The following KDM5A variants were observed in gnomAD, a reference collection of about 807,000 sequenced individuals.
KDM5A encodes lysine-specific demethylase 5A.
KDM5A carries 42 observed loss-of-function variants against 193.5 expected under a neutral mutation model. The ratio of observed to expected loss-of-function variants is 0.22; its 90% CI spans 0.17 to 0.28. The LOEUF (loss-of-function observed/expected upper bound fraction) is 0.28, where lower values mean the gene tolerates loss of function less well. Among genes scored for constraint, KDM5A ranks in the 10% least tolerant of loss-of-function variants. The pLI is 1.00. For missense variants in KDM5A, 1,692 were observed against 2,055.1 expected (o/e 0.82, Z 3.42); for synonymous variants, 796 against 718.1 (o/e 1.11, Z -1.73).
chr12:328,919 A>G lies in KDM5A; in HGVS notation c.1884T>C (p.Asp628=). The G allele has an allele frequency of 1.2e-6, 2 of 1,614,208 alleles. No individual in the cohort carries two copies. The highest frequency in any genetic ancestry group is 1.7e-6 in the Non-Finnish European group (2 of 1,180,026). Residue 628 remains aspartate (D), a synonymous_variant, in exon 14 of 28, where the codon GAT becomes GAC. Transcript: ENST00000399788. Reference sequence around the variant, plus strand: ...TGCAGACCATGGCAGCCAGCCCCACATCTAAGCATTCTGGATCTGCTGCCA... The same window carrying G: ...TGCAGACCATGGCAGCCAGCCCCACGTCTAAGCATTCTGGATCTGCTGCCA... The part of the protein sequence containing the change: ...FKMAADPECL[D]VGLAAMVCKE...
intron 3 of KDM5A, among the ~76,000 whole-genome samples, chr12:372,446 C>G (rs1207519153): frequency 6.6e-6 from 1 of 152,134 alleles, no homozygotes; most frequent in Non-Finnish European, 1.5e-5. Context: ...GATTTTGTAT[C>G]CTGAGACTTT....
Position 293,114 on chromosome 12 carries a change from T to C in KDM5A, c.4511A>G (p.Lys1504Arg). Residue 1504 changes from lysine (K) to arginine (R), a missense_variant, in exon 27 of 28, where the codon AAG (lysine) becomes AGG (arginine). By Grantham distance (26) the Lys-to-Arg change is conservative. Transcript: ENST00000399788. ...CTTTTCTAGCTTCCGTTTCCGTTTCTTCTCTGAAGAGTCCTTTCCTTTCAC... is the reference window on the plus strand; with the variant it reads ...CTTTTCTAGCTTCCGTTTCCGTTTCCTCTCTGAAGAGTCCTTTCCTTTCAC... Reference protein sequence around the residue: ...LKVKGKDSSEKKRKRKLEKVE... With the variant: ...LKVKGKDSSERKRKRKLEKVE... 1 of 1,597,460 alleles carries C rather than the reference T, an allele frequency of 6.3e-7. No homozygotes were observed. The highest frequency in any genetic ancestry group is 1.1e-5 in the South Asian group (1 of 87,104).
At position 285,400 on chromosome 12, in the gene KDM5A, A is replaced by C. The variant is rs1943207762; in HGVS notation, c.*56T>G. 1.7e-5 allele frequency: 24 copies of C among 1,450,360 alleles called. No homozygotes were observed. The highest frequency in any genetic ancestry group is 2.2e-5 in the Non-Finnish European group (23 of 1,031,370). The allele number at this position is 1,450,360 out of a possible 1,614,324, so 89.8% of individuals were successfully genotyped here. Reference sequence around the variant, plus strand: ...TGGATATAAACCACTCTACTTGATGACTAAGGTCTCAATGTGGTCCATGTC... The same window carrying C: ...TGGATATAAACCACTCTACTTGATGCCTAAGGTCTCAATGTGGTCCATGTC... On this transcript the variant is annotated 3_prime_UTR_variant, in exon 28 of 28. Coordinates refer to ENST00000399788, the MANE Select transcript of KDM5A (RefSeq NM_001042603.3).
chr12:336,250 T>C (rs1052416102), intron 10 of KDM5A, among the ~76,000 whole-genome samples: 2 of 150,078 alleles, frequency 1.3e-5, no homozygotes, highest in African/African-American at 4.9e-5. Flanking sequence ...TTCCAGCTAC[T>C]AGGGATGCTG....
At chr12:313,248 A>C in intron 19 of KDM5A, 54 bp from the exon 20 acceptor site, 1 of 1,590,526 alleles carries the variant, frequency 6.3e-7, no homozygotes, top group Non-Finnish European at 8.6e-7. Flanking sequence ...CATTTAAGTA[A>C]CATTTCAGAA....
At chr12:298,144 T>C (rs912984119) in intron 24 of KDM5A, among the ~76,000 whole-genome samples, 2 of 152,298 alleles carry the variant, frequency 1.3e-5, no homozygotes, top group Non-Finnish European at 2.9e-5. Flanking sequence ...TGTCCCTGCC[T>C]GACGGCTCTG....
chr12:381,883 C>T (rs1008636628), intron 3 of KDM5A, among the ~76,000 whole-genome samples: 1 of 151,984 alleles, frequency 6.6e-6, no homozygotes, highest in African/African-American at 2.4e-5. Flanking sequence ...GACAGCTCAC[C>T]GCAGTCTTGA....
chr12:366,876 A>T (rs1013792751), intron 3 of KDM5A, among the ~76,000 whole-genome samples: 5 of 152,250 alleles, frequency 3.3e-5, no homozygotes, highest in Non-Finnish European at 7.3e-5. Flanking sequence ...CGCATATATG[A>T]CAGTGCTCCC....
intron 10 of KDM5A, among the ~76,000 whole-genome samples, chr12:336,604 G>A (rs1489405262): frequency 6.6e-6 from 1 of 152,122 alleles, no homozygotes; most frequent in East Asian, 1.9e-4. Flanking sequence ...ACACTGGGAG[G>A]CCGAAGCTGG....
chr12:350,548 A>G (rs1944143472), intron 10 of KDM5A, 73 bp downstream of exon 10: 1 of 1,395,020 alleles, frequency 7.2e-7, no homozygotes. Flanking sequence ...AGTTAATGTG[A>G]TCCCTTAAGA....
rs1175604167 is a variant in KDM5A at position 280,662 on chromosome 12, T to A, written c.*4794A>T. On this transcript the variant is annotated 3_prime_UTR_variant, in exon 28 of 28. Transcript: ENST00000399788. ...AGTAACTTGGGGTCTGAATTGGTTGTGAGCTTTAAGAAGCCAAAGAGAAAG... is the reference window on the plus strand; with the variant it reads ...AGTAACTTGGGGTCTGAATTGGTTGAGAGCTTTAAGAAGCCAAAGAGAAAG... The A allele has an allele frequency of 4.3e-6, 1 of 233,062 alleles. No individual in the cohort carries two copies. Among genetic ancestry groups the A allele is most frequent in the African/African-American group, 2.2e-5 (1 of 45,340 alleles). 14.4% of individuals were successfully genotyped at this position (233,062 alleles called of 1,614,324 possible).
At position 307,018 on chromosome 12, in the gene KDM5A, T is replaced by C; in HGVS notation, c.4002A>G (p.Gln1334=). ...TTTCTTCATCATCATAGTCCATTGT[T>C]TGTCGAGGAGAAGATGACACACTGC... ...VVSSVSSSPR[Q]TMDYDDEETD... is the part of the protein sequence containing the mutation. Residue 1334 remains glutamine (Q), a synonymous_variant, in exon 24 of 28, where the codon CAA becomes CAG. Coordinates refer to ENST00000399788, the MANE Select transcript of KDM5A (RefSeq NM_001042603.3). The surrounding 1 kb of genome is among the most constrained non-coding windows in gnomAD (Gnocchi z 4.3). 1 of 1,614,114 alleles carries C rather than the reference T, an allele frequency of 6.2e-7. No individual in the cohort carries two copies. The highest frequency in any genetic ancestry group is 8.5e-7 in the Non-Finnish European group (1 of 1,179,992).
chr12:298,722 C>T (rs1231614090), intron 24 of KDM5A, among the ~76,000 whole-genome samples: 3 of 152,014 alleles, frequency 2.0e-5, no homozygotes, highest in East Asian at 3.9e-4. Context: ...CAGAAGTAGG[C>T]TTCAGAAGGT....
In KDM5A at chr12:350,666, T is replaced by C. The variant is rs1268933736; in HGVS notation, c.1263A>G (p.Gly421=). The part of the protein sequence containing the change: ...ADISSKDFGS[G]FPVKDGRRKI... ...TTCTCCGCCCATCCTTCACCGGAAA[T>C]CCACTTCCAAAGTCTTTTGAGGAGA... The change falls in exon 10 of 28, where the codon GGA becomes GGG. Residue 421 remains glycine, a synonymous_variant. Coordinates refer to ENST00000399788, the MANE Select transcript of KDM5A (RefSeq NM_001042603.3). 1.9e-6 allele frequency: 3 copies of C among 1,614,098 alleles called. No homozygotes were observed. The highest frequency in any genetic ancestry group is 1.1e-5 in the South Asian group (1 of 91,086).
intron 3 of KDM5A, among the ~76,000 whole-genome samples, chr12:378,448 C>T (rs778834751): frequency 3.9e-5 from 6 of 152,112 alleles, no homozygotes; most frequent in South Asian, 2.1e-4. Flanking sequence ...TTTGTAGAGA[C>T]GGGGTCTCCC....
chr12:286,275 CAGGTCAAT>C, intron 27 of KDM5A: 1 of 458,686 alleles, frequency 2.2e-6, no homozygotes, highest in Non-Finnish European at 4.5e-6. Context: ...GTCAAAGACA[CAGGTCAAT>C]AGATCACTCT....
chr12:333,243 G>T, intron 12 of KDM5A: 1 of 516,856 alleles, frequency 1.9e-6, no homozygotes. Context: ...ACACAATAAG[G>T]CTTCGTCTCT....
At chr12:377,521 T>C (rs144380054) in intron 3 of KDM5A, among the ~76,000 whole-genome samples, 50 of 152,136 alleles carry the variant, frequency 3.3e-4, no homozygotes, top group Admixed American at 7.2e-4. Flanking sequence ...CAAGAATTAA[T>C]ATAGCATCGT....
intron 18 of KDM5A, among the ~76,000 whole-genome samples, chr12:320,487 C>A (rs1027952161): frequency 1.3e-5 from 2 of 152,130 alleles, no homozygotes; most frequent in African/African-American, 4.8e-5. Flanking sequence ...CAGAGCGAGA[C>A]TCCCATCTCA....
Sources: gnomAD v4.1 joint callset for allele counts (sites outside exome capture counted in the v4.1 genomes callset) on GRCh38, gnomAD v4.1.1 for gene constraint, Gnocchi (gnomAD v3.1) non-coding constraint, MANE v1.5 for transcripts, NCBI Gene and HGNC (gene_info 2026-07-23, HGNC 2026-07-21) for gene names.